REV1: variants seen among roughly 807,000 people sequenced by gnomAD.
The protein encoded by REV1 is translesion synthesis protein REV1.
Under a neutral mutation model 137.4 loss-of-function variants are expected in REV1, and 42 were observed. The ratio of observed to expected loss-of-function variants is 0.31; its 90% CI spans 0.24 to 0.40. REV1 has a LOEUF of 0.40. Ranked by LOEUF, REV1 falls within the 10% of genes least tolerant of loss-of-function variation. The probability of loss-of-function intolerance (pLI) is 1.00; values close to 1 mark genes in which losing one functional copy is unlikely to be tolerated. For missense variants in REV1, 1,282 were observed against 1,490.1 expected, an observed-to-expected ratio of 0.86 and a Z score of 2.30; for synonymous variants, 524 against 519.2, an observed-to-expected ratio of 1.01 and a Z score of -0.12.
rs192088760 is a variant in REV1 at position 99,479,566 on chromosome 2, A to G, written c.-11+10251T>C. Among the ~76,000 whole-genome samples the G allele has an allele frequency of 1.5e-3, 228 of 152,082 alleles. 1 individual carries two copies. The highest frequency in any genetic ancestry group is 5.3e-3 in the African/African-American group (219 of 41,514). ...TGTAATCCCAGCATTTTTGGAGGCC[A>G]AGGTGGGAAGATCTCTTGCGTGAGA... On this transcript the variant is annotated intron_variant, in intron 1 of 22. Coordinates refer to ENST00000258428, the MANE Select transcript of REV1 (RefSeq NM_016316.4).
intron 10 of REV1, 72 bp from the exon 11 acceptor site, chr2:99,421,725 G>C: frequency 6.8e-7 from 1 of 1,467,308 alleles, no homozygotes; most frequent in Non-Finnish European, 9.3e-7. Context: ...TTGCAAAATA[G>C]TCTTCTTATC....
At chr2:99,460,148 C>T (rs1364253670) in intron 3 of REV1, among the ~76,000 whole-genome samples, 1 of 152,204 alleles carries the variant, frequency 6.6e-6, no homozygotes, top group South Asian at 2.1e-4. Context: ...GCAATCTCGG[C>T]TCACTTCAAC....
chr2:99,404,658 T>C lies in REV1; in HGVS notation c.2831A>G (p.Glu944Gly). 6.2e-7 allele frequency: 1 copy of C among 1,611,312 alleles called. No homozygotes were observed. Among genetic ancestry groups the C allele is most frequent in the Middle Eastern group, 1.7e-4 (1 of 6,050 alleles). ...TTCCCGGAGATCAGGTGGAAGTGCT[T>C]CTAAAACAGACTGATCCAGCTATAA... The part of the protein sequence containing the change: ...SPSQLDQSVL[E>G]ALPPDLREQV... The change falls in exon 18 of 23, where the codon GAA (glutamate) becomes GGA (glycine). Residue 944 changes from glutamate (E) to glycine (G), a missense_variant. By Grantham distance (98) the Glu-to-Gly change is moderately conservative. Coordinates refer to ENST00000258428, the MANE Select transcript of REV1 (RefSeq NM_016316.4).
rs1684628649 is a variant in REV1, at chr2:99,464,927, T to C, written c.49A>G (p.Thr17Ala). Residue 17 changes from threonine (T) to alanine (A), a missense_variant, in exon 2 of 23, where the codon ACA becomes GCA. By Grantham distance (58) the Thr-to-Ala change is moderately conservative. Coordinates refer to ENST00000258428, the MANE Select transcript of REV1 (RefSeq NM_016316.4). ...RKRAENDGWE[T>A]WGGYMAAKVQ... The stretch of plus-strand genomic sequence containing the variant: ...TTTACTCTTTTAAAACACACCCATG[T>C]TTCCCAGCCATCATTTTCAGCTCGC... The C allele has an allele frequency of 2.5e-6, 4 of 1,613,326 alleles. No homozygotes were observed. The highest frequency in any genetic ancestry group is 3.4e-6 in the Non-Finnish European group (4 of 1,179,552).
chr2:99,465,370 T>G (rs1684679322), intron 1 of REV1, among the ~76,000 whole-genome samples: 1 of 152,248 alleles, frequency 6.6e-6, no homozygotes. Context: ...TGAGTTGTCC[T>G]ATAGTGTGGC....
intron 6 of REV1, among the ~76,000 whole-genome samples, chr2:99,438,244 CT>C (rs932067547): frequency 2.5e-4 from 38 of 152,154 alleles, no homozygotes; most frequent in African/African-American, 9.2e-4. Flanking sequence ...AACAATTACT[CT>C]TATCAAACCA....
At chr2:99,426,409 T>C (rs142917368) in intron 9 of REV1, among the ~76,000 whole-genome samples, 1,674 of 152,088 alleles carry the variant, frequency 0.011, 9 homozygotes, top group Middle Eastern at 0.024. Context: ...ATTTACAATA[T>C]TTTCATTTTC....
chr2:99,422,506 T>G (rs1678816266), intron 10 of REV1, among the ~76,000 whole-genome samples: 7 of 152,160 alleles, frequency 4.6e-5, no homozygotes. Flanking sequence ...ACAATCAGAT[T>G]AAGATCTCTA....
intron 1 of REV1, among the ~76,000 whole-genome samples, chr2:99,473,251 C>T (rs1256564103): frequency 1.3e-5 from 2 of 151,832 alleles, no homozygotes; most frequent in East Asian, 3.9e-4. Flanking sequence ...GCCTGTAGTC[C>T]CAGCTACTCA....
At chr2:99,401,441 G>T (rs1675386877) in intron 22 of REV1, 89 bp from the exon 23 acceptor site, 2 of 825,954 alleles carry the variant, frequency 2.4e-6, no homozygotes, top group South Asian at 2.1e-5. Flanking sequence ...AATTGACTTT[G>T]GCAAAAAAAA....
intron 3 of REV1, among the ~76,000 whole-genome samples, chr2:99,454,652 G>C (rs968870856): frequency 1.3e-5 from 2 of 151,478 alleles, no homozygotes; most frequent in African/African-American, 4.9e-5. Flanking sequence ...GGCTGAGGCA[G>C]GAAGATCCGT....
At chr2:99,475,937 C>G (rs767762920) in intron 1 of REV1, among the ~76,000 whole-genome samples, 1 of 152,104 alleles carries the variant, frequency 6.6e-6, no homozygotes, top group Non-Finnish European at 1.5e-5. Context: ...AAGCTGAGAT[C>G]ATGCCACTGC....
At chr2:99,467,608 G>C (rs1403375143) in intron 1 of REV1, among the ~76,000 whole-genome samples, 2 of 152,198 alleles carry the variant, frequency 1.3e-5, no homozygotes, top group African/African-American at 4.8e-5. Context: ...AGTGCTAGGA[G>C]AGAAAAAGTA....
intron 3 of REV1, among the ~76,000 whole-genome samples, chr2:99,454,215 T>G (rs967180215): frequency 3.3e-5 from 5 of 150,414 alleles, no homozygotes; most frequent in African/African-American, 4.9e-5. Flanking sequence ...CACAGCAAGA[T>G]CCGTCTTTTA....
Position 99,475,715 on chromosome 2 carries a change from T to G in REV1, c.-10-10730A>C, listed in dbSNP as rs867553038. On this transcript the variant is annotated intron_variant, in intron 1 of 22. Coordinates refer to ENST00000258428, the MANE Select transcript of REV1 (RefSeq NM_016316.4). ...AAAAAAATAAATAGGCCAGGCACAG[T>G]GGCTCACGCCTGTACTCCCAGCACT... Among the ~76,000 whole-genome samples, 14 of 151,750 alleles carry G rather than the reference T, an allele frequency of 9.2e-5. No homozygotes were observed. In the South Asian group the frequency reaches 1.5e-3, roughly 16 times the overall value.
chr2:99,454,681 G>A (rs1380317481), intron 3 of REV1, among the ~76,000 whole-genome samples: 2 of 151,864 alleles, frequency 1.3e-5, no homozygotes, highest in African/African-American at 4.8e-5. Context: ...GGAGTTTGGG[G>A]CTGCAGTGAG....
At position 99,418,851 on chromosome 2, in the gene REV1, C is replaced by A. The variant is rs758454346; in HGVS notation, c.1928G>T (p.Gly643Val). 6.2e-7 allele frequency: 1 copy of A among 1,612,488 alleles called. No individual in the cohort carries two copies. Among genetic ancestry groups the A allele is most frequent in the South Asian group, 1.1e-5 (1 of 90,974 alleles). ...ACCTGGTAGATTGGTCACTAGCTGG[C>A]CTCTGATAAAATCATCTACTTCTTC... is the stretch of plus-strand genomic sequence containing the variant. ...KPEEVDDFIR[G>V]QLVTNLPGVG... The change falls in exon 12 of 23, where the codon GGC (glycine) becomes GTC (valine). Residue 643 changes from glycine (G) to valine (V), a missense_variant. By Grantham distance (109) the Gly-to-Val change is moderately radical. Transcript: ENST00000258428.
intron 14 of REV1, chr2:99,408,521 A>G (rs1055090575): frequency 2.6e-5 from 4 of 155,334 alleles, no homozygotes; most frequent in Admixed American, 2.0e-4. Flanking sequence ...TTTAGGTTCC[A>G]AGATTATGTA....
rs1676014094 is a variant in REV1 at position 99,404,616 on chromosome 2, C to T, written c.2873G>A (p.Cys958Tyr). ...ATGTGACTCTGCTTGCTGGACAGCA[C>T]AGACTTGCTCTACTTGTTCCCGGAG... Reference protein sequence around the residue: ...PDLREQVEQVCAVQQAESHGD... With the variant: ...PDLREQVEQVYAVQQAESHGD... Residue 958 changes from cysteine (C) to tyrosine (Y), a missense_variant, in exon 18 of 23, where the codon TGT (cysteine) becomes TAT (tyrosine). This residue lies in a region of REV1 where 135 missense variants were observed against 123.3 expected (regional missense o/e 1.10). Transcript: ENST00000258428. 3 of 1,613,030 alleles carry T rather than the reference C, an allele frequency of 1.9e-6. No homozygotes were observed. The highest frequency in any genetic ancestry group is 1.3e-5 in the African/African-American group (1 of 74,834).
Sources: allele counts gnomAD v4.1 joint callset (sites outside exome capture counted in the v4.1 genomes callset), GRCh38; gene constraint gnomAD v4.1.1; regional missense constraint gnomAD v4.1.1; transcripts MANE v1.5; gene names NCBI Gene and HGNC (gene_info 2026-07-23, HGNC 2026-07-21).